GRIPAP1: variants seen among roughly 807,000 people sequenced by gnomAD.
GRIPAP1 encodes the protein GRIP1 associated protein 1, also known as GRIP1-associated protein 1.
GRIPAP1 carries 14 observed loss-of-function variants against 84.1 expected under a neutral mutation model. That is an observed-to-expected ratio of 0.17 (90% CI 0.11 to 0.26). GRIPAP1 has a LOEUF of 0.26. Among genes scored for constraint, GRIPAP1 ranks in the 10% least tolerant of loss-of-function variants. The probability of loss-of-function intolerance (pLI) is 1.00; values close to 1 mark genes in which losing one functional copy is unlikely to be tolerated. For missense variants in GRIPAP1, 518 were observed against 674.2 expected, an observed-to-expected ratio of 0.77 and a Z score of 2.57; for synonymous variants, 261 against 256.8, an observed-to-expected ratio of 1.02 and a Z score of -0.15.
At position 48,976,055 on chromosome X, in the gene GRIPAP1, G is replaced by A. The variant is rs782016060; in HGVS notation, c.2241C>T (p.Ser747=). ...ASMAEDLCRK[S]AIIETYVMDS... ...CCATGACGTAGGTCTCAATGATGGC[G>A]CTCTTCCGGCAGAGGTCCTCTGCCA... The change falls in exon 24 of 26, where the codon AGC becomes AGT. Residue 747 remains serine (S), a synonymous_variant. Coordinates refer to ENST00000376423, the MANE Select transcript of GRIPAP1 (RefSeq NM_020137.5). 4 of 1,211,169 alleles carry A rather than the reference G, an allele frequency of 3.3e-6. No individual in the cohort carries two copies. Among genetic ancestry groups the A allele is most frequent in the South Asian group, 1.8e-5 (1 of 56,964 alleles).
intron 21 of GRIPAP1, 97 bp from the exon 22 acceptor site, chrX:48,978,532 G>T: frequency 1.3e-6 from 1 of 797,857 alleles, no homozygotes. Flanking sequence ...AACAGAGATG[G>T]AAAGAGAGAC....
chrX:48,999,060 GATTAGGTAAAATTAGCAACTAAAGAGA>G (rs1233560267), intron 3 of GRIPAP1, 151 bp downstream of exon 3: 19 of 375,195 alleles, frequency 5.1e-5, no homozygotes, highest in Non-Finnish European at 8.3e-5. Context: ...AATTAAGCAG[GATTAGGTAAAATTAGCAACTAAAGAGA>G]ATTCCATTGA....
chrX:48,978,217 A>T, intron 22 of GRIPAP1, 88 bp downstream of exon 22: 1 of 1,006,789 alleles, frequency 9.9e-7, no homozygotes, highest in Non-Finnish European at 1.4e-6. Context: ...AAAGTAGGAG[A>T]TGGGTTTAGG....
chrX:48,983,274 T>C lies in GRIPAP1; in HGVS notation c.1439A>G (p.Lys480Arg), dbSNP rs782707022. 4 of 1,212,426 alleles carry C rather than the reference T, an allele frequency of 3.3e-6. No individual in the cohort carries two copies. In the Admixed American group the frequency reaches 6.5e-5, roughly 20 times the overall value. ...ERELRELHED[K>R]KRQEEELRGQ... is the part of the protein sequence containing the mutation. Reference sequence around the variant, plus strand: ...ACGGAGCTCCTCCTCCTGACGCTTCTTGTCTTCATGCAGCTCTCGGAGCTC... The same window carrying C: ...ACGGAGCTCCTCCTCCTGACGCTTCCTGTCTTCATGCAGCTCTCGGAGCTC... Residue 480 changes from lysine (K) to arginine (R), a missense_variant, in exon 16 of 26, where the codon AAG becomes AGG. Lys to Arg is a conservative substitution (Grantham distance 26, BLOSUM62 2). Transcript: ENST00000376423.
chrX:48,995,635 G>A (rs992504171), intron 5 of GRIPAP1, among the ~76,000 whole-genome samples: 12 of 110,172 alleles, frequency 1.1e-4, no homozygotes, highest in East Asian at 2.9e-4. Context: ...TTGCTCTGTC[G>A]CCCAGGCTGG....
intron 13 of GRIPAP1, 27 bp from the exon 14 acceptor site, chrX:48,985,429 T>C: frequency 1.7e-6 from 2 of 1,197,417 alleles, no homozygotes; most frequent in Non-Finnish European, 2.3e-6. Flanking sequence ...TGATGAGAAG[T>C]AGAGTGAAAG....
rs970146108 is a variant in GRIPAP1, at chrX:48,987,724, G to C, written c.1041+61C>G. ...GACCACCCTACCCTGATGTGGACCA[G>C]AAGCAGATGGAGATGGGGGAACTGG... On this transcript the variant is annotated intron_variant, in intron 13 of 25. Transcript: ENST00000376423. The C allele has an allele frequency of 2.9e-5, 20 of 699,500 alleles. 1 individual carries two copies. In the East Asian group the frequency reaches 4.0e-4, roughly 14 times the overall value. 57.6% of individuals were successfully genotyped at this position (699,500 alleles called of 1,213,427 possible). A position where few individuals can be genotyped will look rare whatever the true frequency, so the allele number is the denominator to read the frequency against.
At chrX:48,994,219 C>CTTTTT (rs200273142) in intron 5 of GRIPAP1, among the ~76,000 whole-genome samples, 54 of 95,175 alleles carry the variant, frequency 5.7e-4, no homozygotes, top group African/African-American at 2.0e-3. Flanking sequence ...TATTTTCTTT[C>CTTTTT]TTTTTTTTTT....
chrX:48,992,871 A>T (rs782772469), intron 6 of GRIPAP1, among the ~76,000 whole-genome samples: 3 of 110,031 alleles, frequency 2.7e-5, no homozygotes, highest in Non-Finnish European at 5.7e-5. Flanking sequence ...CCCAGGCTGG[A>T]GTGCAGTGGT....
intron 8 of GRIPAP1, 76 bp from the exon 9 acceptor site, chrX:48,990,079 A>T: frequency 2.5e-6 from 2 of 812,928 alleles, no homozygotes; most frequent in Admixed American, 3.5e-5. Flanking sequence ...AAATATAGAC[A>T]CTTCTTATTA....
In GRIPAP1 at chrX:49,002,230, G is replaced by T; in HGVS notation, c.-1C>A. ...CCTCCTCAGACAGAGCTTGCGCCAT[G>T]TTCCTCCCCCCACCCCCCCGCCAGC... On this transcript the variant is annotated 5_prime_UTR_variant, in exon 1 of 26. Coordinates refer to ENST00000376423, the MANE Select transcript of GRIPAP1 (RefSeq NM_020137.5). 8.7e-7 allele frequency: 1 copy of T among 1,146,609 alleles called. No homozygotes were observed. Among genetic ancestry groups the T allele is most frequent in the Non-Finnish European group, 1.2e-6 (1 of 843,580 alleles). 94.5% of individuals were successfully genotyped at this position (1,146,609 alleles called of 1,213,427 possible).
Position 49,002,219 on chromosome X carries a change from G to A in GRIPAP1, c.11C>T (p.Ala4Val). MAQ[A>V]LSEEEFQRMQ... ...CCGCTGAAACTCCTCCTCAGACAGA[G>A]CTTGCGCCATGTTCCTCCCCCCACC... The change falls in exon 1 of 26, where the codon GCT (alanine) becomes GTT (valine). Residue 4 changes from alanine (A) to valine (V), a missense_variant. Around this residue, in one of 5 missense-constraint regions of GRIPAP1, gnomAD observed 372 missense variants for 458.1 expected, o/e 0.81. Transcript: ENST00000376423. 3 of 1,165,427 alleles carry A rather than the reference G, an allele frequency of 2.6e-6. No individual in the cohort carries two copies. The highest frequency in any genetic ancestry group is 3.5e-6 in the Non-Finnish European group (3 of 859,252).
intron 24 of GRIPAP1, 96 bp downstream of exon 24, chrX:48,975,922 T>C: frequency 1.4e-6 from 1 of 705,017 alleles, no homozygotes; most frequent in Admixed American, 2.6e-5. Context: ...CTTCGCTGAG[T>C]TCCGAGAGGA....
intron 22 of GRIPAP1, chrX:48,977,739 G>A (rs45462097): frequency 0.32 from 34,357 of 106,633 alleles, 5,346 homozygotes; most frequent in Middle Eastern, 0.52. Flanking sequence ...GTTTTACCAC[G>A]TTTCCCAGGC....
intron 5 of GRIPAP1, 76 bp downstream of exon 5, chrX:48,997,174 T>C: frequency 1.7e-6 from 1 of 590,947 alleles, no homozygotes; most frequent in Non-Finnish European, 2.8e-6. Flanking sequence ...GTCCAATCAC[T>C]CTCTGCCGCT....
At chrX:48,978,908 A>C (rs1328409147) in intron 21 of GRIPAP1, among the ~76,000 whole-genome samples, 29 of 108,160 alleles carry the variant, frequency 2.7e-4, no homozygotes, top group Non-Finnish European at 4.4e-4. Context: ...AAAAAAAAAA[A>C]AAAAAAACAG....
intron 6 of GRIPAP1, 103 bp from the exon 7 acceptor site, chrX:48,991,213 G>A: frequency 1.8e-6 from 1 of 563,537 alleles, no homozygotes; most frequent in Non-Finnish European, 3.1e-6. Flanking sequence ...TCAGGTGGCA[G>A]AGTCCCTGTG....
chrX:48,975,926 G>T, intron 24 of GRIPAP1, 92 bp downstream of exon 24: 1 of 728,734 alleles, frequency 1.4e-6, no homozygotes, highest in Non-Finnish European at 2.1e-6. Flanking sequence ...GCTGAGTTCC[G>T]AGAGGAGAGG....
intron 13 of GRIPAP1, among the ~76,000 whole-genome samples, chrX:48,987,300 C>T (rs1346252502): frequency 7.5e-5 from 8 of 106,003 alleles, no homozygotes; most frequent in Admixed American, 1.0e-4. Flanking sequence ...AGGCACACAC[C>T]GCCACACCCA....
Sources: allele counts gnomAD v4.1 joint callset (sites outside exome capture counted in the v4.1 genomes callset), GRCh38; gene constraint gnomAD v4.1.1; regional missense constraint gnomAD v4.1.1; transcripts MANE v1.5; gene names NCBI Gene and HGNC (gene_info 2026-07-23, HGNC 2026-07-21).